TAOK3: variants seen among roughly 807,000 people sequenced by gnomAD.
TAOK3 encodes the protein serine/threonine-protein kinase TAO3.
A neutral mutation model predicts 120.4 loss-of-function variants in TAOK3; 40 were observed. The observed-to-expected ratio is 0.33, with a 90% confidence interval of 0.26 to 0.43. TAOK3 has a LOEUF of 0.43. Ranked by LOEUF, TAOK3 falls within the 20% of genes least tolerant of loss-of-function variation. TAOK3 has a pLI of 1.00. For missense variants in TAOK3, 821 were observed against 1,112.1 expected (o/e 0.74, Z 3.72); for synonymous variants, 355 against 387.5 (o/e 0.92, Z 0.99).
At chr12:118,300,642 C>T (rs537165838) in intron 1 of TAOK3, among the ~76,000 whole-genome samples, 3 of 152,268 alleles carry the variant, frequency 2.0e-5, no homozygotes, top group African/African-American at 7.2e-5. Flanking sequence ...TTGTAAAGTG[C>T]TCTTTTCTTC....
intron 1 of TAOK3, among the ~76,000 whole-genome samples, chr12:118,334,782 G>T (rs145990515): frequency 5.3e-5 from 8 of 151,604 alleles, no homozygotes; most frequent in Admixed American, 5.3e-4. Context: ...AGGCTGAGGC[G>T]GGAGAATCAC....
chr12:118,229,052 C>T (rs2039639136), intron 9 of TAOK3, among the ~76,000 whole-genome samples: 2 of 151,856 alleles, frequency 1.3e-5, no homozygotes, highest in Non-Finnish European at 2.9e-5. Context: ...TTCACTTAAT[C>T]ATATTCCTTA....
rs576229032 is a variant in TAOK3 at position 118,321,270 on chromosome 12, A to AT, written c.-194+51377dup. ...CACACACACAAACATACACACACAC[A>AT]TTTTTTTTCAGACAGGGTCTCACTC... On this transcript the variant is annotated intron_variant, in intron 1 of 20. Transcript: ENST00000392533. 6.5e-3 allele frequency among the ~76,000 whole-genome samples: 987 copies of AT among 151,886 alleles called. 13 individuals carry two copies. The highest frequency in any genetic ancestry group is 0.022 in the African/African-American group (928 of 41,434).
intron 1 of TAOK3, among the ~76,000 whole-genome samples, chr12:118,341,574 C>T (rs897011822): frequency 3.3e-5 from 5 of 152,122 alleles, no homozygotes; most frequent in Non-Finnish European, 7.4e-5. Context: ...ACTATGTGTA[C>T]TACAAATGTA....
intron 1 of TAOK3, among the ~76,000 whole-genome samples, chr12:118,310,345 G>T (rs1232461057): frequency 6.6e-6 from 1 of 152,160 alleles, no homozygotes; most frequent in African/African-American, 2.4e-5. Context: ...TTTCTAACAA[G>T]GTGGTTTTGA....
intron 1 of TAOK3, among the ~76,000 whole-genome samples, chr12:118,334,883 CAA>C (rs551811228): frequency 3.9e-4 from 37 of 95,044 alleles, no homozygotes; most frequent in Middle Eastern, 0.012. Flanking sequence ...ACTCCGTCTC[CAA>C]AAAAAAAAAA....
At position 118,149,914 on chromosome 12, in the gene TAOK3, A is replaced by C. The variant is rs1445709059; in HGVS notation, c.*1083T>G. 6.6e-6 allele frequency: 1 copy of C among 152,092 alleles called. No individual in the cohort carries two copies. The highest frequency in any genetic ancestry group is 1.5e-5 in the Non-Finnish European group (1 of 68,006). 9.4% of individuals were successfully genotyped at this position (152,092 alleles called of 1,614,324 possible). A position where few individuals can be genotyped will look rare whatever the true frequency, so the allele number is the denominator to read the frequency against. On this transcript the variant is annotated 3_prime_UTR_variant, in exon 21 of 21. Transcript: ENST00000392533. Reference sequence around the variant, plus strand: ...TTTTTAAAGTGCATGCAAAAGAAGTAAAGCCTTTTTTTTTTTCATCATTTT... The same window carrying C: ...TTTTTAAAGTGCATGCAAAAGAAGTCAAGCCTTTTTTTTTTTCATCATTTT...
At chr12:118,273,767 G>T (rs935101318) in intron 1 of TAOK3, among the ~76,000 whole-genome samples, 1 of 151,866 alleles carries the variant, frequency 6.6e-6, no homozygotes, top group Non-Finnish European at 1.5e-5. Flanking sequence ...AGTGAGCCGA[G>T]ATCGTGCCAT....
chr12:118,223,062 C>CTTTTT (rs75334511), intron 9 of TAOK3, among the ~76,000 whole-genome samples: 406 of 120,094 alleles, frequency 3.4e-3, no homozygotes, highest in African/African-American at 9.8e-3. Flanking sequence ...TTCTTTCTTT[C>CTTTTT]TTTTTTTTTT....
At chr12:118,155,311 T>C (rs1040210205) in intron 19 of TAOK3, among the ~76,000 whole-genome samples, 8 of 152,212 alleles carry the variant, frequency 5.3e-5, no homozygotes, top group African/African-American at 1.2e-4. Flanking sequence ...TAAAGTTTTA[T>C]TGGACATTGA....
At chr12:118,223,030 C>G (rs1021719970) in intron 9 of TAOK3, among the ~76,000 whole-genome samples, 1 of 150,846 alleles carries the variant, frequency 6.6e-6, no homozygotes, top group African/African-American at 2.4e-5. Context: ...TAAACACTAC[C>G]TGAAAAGGTA....
At chr12:118,342,398 T>C (rs2044653211) in intron 1 of TAOK3, among the ~76,000 whole-genome samples, 1 of 152,234 alleles carries the variant, frequency 6.6e-6, no homozygotes, top group South Asian at 2.1e-4. Context: ...ATATTTCCTT[T>C]GACATGTTGA....
intron 1 of TAOK3, among the ~76,000 whole-genome samples, chr12:118,360,790 A>T (rs1201258959): frequency 1.3e-5 from 2 of 152,232 alleles, no homozygotes; most frequent in African/African-American, 4.8e-5. Flanking sequence ...AAATTTGGAA[A>T]CTCATTTGTA....
At chr12:118,214,763 G>A (rs1335239896) in intron 9 of TAOK3, among the ~76,000 whole-genome samples, 1 of 116,256 alleles carries the variant, frequency 8.6e-6, no homozygotes, top group Admixed American at 9.3e-5. Flanking sequence ...TTTTTTTTTT[G>A]AGATGGAGTT....
intron 14 of TAOK3, among the ~76,000 whole-genome samples, chr12:118,188,007 A>C (rs2037177318): frequency 6.6e-6 from 1 of 152,150 alleles, no homozygotes; most frequent in Admixed American, 6.5e-5. Context: ...GCATGAGATT[A>C]TTCTGGCATG....
intron 2 of TAOK3, among the ~76,000 whole-genome samples, chr12:118,256,632 A>G (rs1231261821): frequency 6.6e-6 from 1 of 152,220 alleles, no homozygotes; most frequent in African/African-American, 2.4e-5. Context: ...AATTATGCCA[A>G]ATGAAAGATA....
chr12:118,307,783 G>A (rs1417135725), intron 1 of TAOK3, among the ~76,000 whole-genome samples: 1 of 152,034 alleles, frequency 6.6e-6, no homozygotes, highest in Non-Finnish European at 1.5e-5. Context: ...CTCTAACCAC[G>A]GAAATGGTAT....
At chr12:118,285,792 C>T (rs1050336218) in intron 1 of TAOK3, among the ~76,000 whole-genome samples, 3 of 152,160 alleles carry the variant, frequency 2.0e-5, no homozygotes, top group Non-Finnish European at 4.4e-5. Context: ...GAGGTCATGA[C>T]AACATGTGCC....
At chr12:118,315,309 G>A (rs1406632716) in intron 1 of TAOK3, among the ~76,000 whole-genome samples, 1 of 152,206 alleles carries the variant, frequency 6.6e-6, no homozygotes, top group Non-Finnish European at 1.5e-5. Context: ...ATCATGTGAT[G>A]TAATGCCATG....
Sources: gnomAD v4.1 joint callset for allele counts (sites outside exome capture counted in the v4.1 genomes callset) on GRCh38, gnomAD v4.1.1 for gene constraint, MANE v1.5 for transcripts, NCBI Gene and HGNC (gene_info 2026-07-23, HGNC 2026-07-21) for gene names.